CPEB1: variants seen among roughly 807,000 people sequenced by gnomAD.
CPEB1 encodes cytoplasmic polyadenylation element binding protein 1.
CPEB1 carries 7 observed loss-of-function variants against 65.8 expected under a neutral mutation model. The observed-to-expected ratio is 0.11, with a 90% CI of 0.06 to 0.20. The LOEUF (loss-of-function observed/expected upper bound fraction) is 0.20. Among genes scored for constraint, CPEB1 ranks in the 10% least tolerant of loss-of-function variants. CPEB1 has a pLI of 1.00. For synonymous variants in CPEB1, 262 were observed against 260.0 expected (o/e 1.01, Z -0.08); for missense variants, 551 against 712.2 (o/e 0.77, Z 2.58).
In CPEB1 at chr15:82,647,131, A is replaced by G. The variant is rs1029600088; in HGVS notation, c.-98+6T>C. 2.0e-5 allele frequency: 3 copies of G among 152,578 alleles called. No homozygotes were observed. The highest frequency in any genetic ancestry group is 4.8e-5 in the African/African-American group (2 of 41,348). 9.5% of individuals were successfully genotyped at this position (152,578 alleles called of 1,614,324 possible). On this transcript the variant is annotated splice_donor_region_variant and intron_variant, in intron 1 of 12. Transcript: ENST00000684509. ...TAACCCTCTCCCGCCCATGACCAGG[A>G]CCCACCTCAATGCCGCCAGCCCGGC...
intron 3 of CPEB1, among the ~76,000 whole-genome samples, chr15:82,623,638 T>C (rs1666626185): frequency 6.6e-6 from 1 of 152,144 alleles, no homozygotes; most frequent in Non-Finnish European, 1.5e-5. Flanking sequence ...ATCACGCCAC[T>C]GCACTCCAGC....
intron 4 of CPEB1, chr15:82,562,290 G>C (rs1313161996): frequency 1.1e-5 from 5 of 441,088 alleles, no homozygotes; most frequent in African/African-American, 2.1e-5. Flanking sequence ...CCCTGCTTTA[G>C]GACCTAGAGT....
intron 1 of CPEB1, among the ~76,000 whole-genome samples, chr15:82,637,008 T>C (rs1433716200): frequency 6.6e-6 from 1 of 152,216 alleles, no homozygotes; most frequent in Non-Finnish European, 1.5e-5. Context: ...TCCAGAGTTG[T>C]CTCAGAGCTG....
chr15:82,572,445 G>C (rs149395600), intron 3 of CPEB1, among the ~76,000 whole-genome samples: 345 of 152,222 alleles, frequency 2.3e-3, no homozygotes, highest in African/African-American at 8.0e-3. Flanking sequence ...AAAGGACATG[G>C]CCCACAACCC....
intron 3 of CPEB1, among the ~76,000 whole-genome samples, chr15:82,582,843 G>A (rs749836477): frequency 6.9e-6 from 1 of 145,868 alleles, no homozygotes; most frequent in South Asian, 2.2e-4. Flanking sequence ...CCGGGTTCAC[G>A]CCATTCTCCT....
intron 3 of CPEB1, among the ~76,000 whole-genome samples, chr15:82,617,724 GTTTTTTTTTTTTTTT>G (rs35267620): frequency 2.4e-5 from 2 of 83,818 alleles, no homozygotes; most frequent in Non-Finnish European, 4.6e-5. Context: ...TTCTATTAAA[GTTTTTTTTTTTTTTT>G]TTTTTTTTTT....
At chr15:82,581,075 C>T (rs2041238230) in intron 3 of CPEB1, among the ~76,000 whole-genome samples, 1 of 152,142 alleles carries the variant, frequency 6.6e-6, no homozygotes, top group African/African-American at 2.4e-5. Flanking sequence ...CCTCTGGGCT[C>T]AAGTGATCCA....
chr15:82,645,068 AC>A (rs2047391018), intron 1 of CPEB1, among the ~76,000 whole-genome samples: 2 of 152,230 alleles, frequency 1.3e-5, no homozygotes, highest in African/African-American at 4.8e-5. Context: ...GATGTGCTGC[AC>A]AGGCTGGCAC....
intron 9 of CPEB1, among the ~76,000 whole-genome samples, chr15:82,550,118 G>A (rs893359478): frequency 6.6e-6 from 1 of 152,198 alleles, no homozygotes; most frequent in African/African-American, 2.4e-5. Flanking sequence ...ATTTGTATGA[G>A]ATGGTTACTG....
chr15:82,635,289 A>G (rs1329025324), intron 1 of CPEB1, among the ~76,000 whole-genome samples: 1 of 152,256 alleles, frequency 6.6e-6, no homozygotes. Context: ...CATTCAGACC[A>G]CAGATCAGGA....
chr15:82,581,332 A>G (rs886287082), intron 3 of CPEB1, among the ~76,000 whole-genome samples: 1 of 151,934 alleles, frequency 6.6e-6, no homozygotes, highest in Non-Finnish European at 1.5e-5. Flanking sequence ...TCATCCATCC[A>G]ATTCATCCAC....
At chr15:82,608,594 T>C (rs1467387972) in intron 3 of CPEB1, among the ~76,000 whole-genome samples, 1 of 152,188 alleles carries the variant, frequency 6.6e-6, no homozygotes, top group East Asian at 1.9e-4. Flanking sequence ...ATCTTGTTTT[T>C]AGTTTTTAAA....
At chr15:82,577,491 ATAG>A (rs2040792482) in intron 3 of CPEB1, among the ~76,000 whole-genome samples, 1 of 152,204 alleles carries the variant, frequency 6.6e-6, no homozygotes, top group Non-Finnish European at 1.5e-5. Context: ...AAGGACAGAC[ATAG>A]TAGTAATCTC....
chr15:82,614,877 GTGTA>G (rs77090985), intron 3 of CPEB1, among the ~76,000 whole-genome samples: 28,777 of 126,348 alleles, frequency 0.23, 2,780 homozygotes, highest in South Asian at 0.37. Flanking sequence ...GTGTGTGTGT[GTGTA>G]TATATATATA....
intron 3 of CPEB1, among the ~76,000 whole-genome samples, chr15:82,599,779 G>A (rs1323201031): frequency 6.6e-6 from 1 of 152,040 alleles, no homozygotes; most frequent in African/African-American, 2.4e-5. Flanking sequence ...AATAAAACCA[G>A]GGCCCAAAAT....
At chr15:82,639,562 T>G (rs1315532387) in intron 1 of CPEB1, among the ~76,000 whole-genome samples, 1 of 152,104 alleles carries the variant, frequency 6.6e-6, no homozygotes, top group African/African-American at 2.4e-5. Flanking sequence ...TTTTTATCAC[T>G]GTGCTACATA....
chr15:82,584,515 T>C (rs2041592106), intron 3 of CPEB1, among the ~76,000 whole-genome samples: 2 of 150,786 alleles, frequency 1.3e-5, no homozygotes, highest in African/African-American at 4.9e-5. Context: ...CCATCTCTAC[T>C]AAAAATACAA....
At chr15:82,583,842 A>T (rs984114433) in intron 3 of CPEB1, among the ~76,000 whole-genome samples, 64 of 152,230 alleles carry the variant, frequency 4.2e-4, no homozygotes, top group African/African-American at 1.4e-3. Context: ...ATATTGAAAT[A>T]GTAAATAAAT....
Position 82,552,477 on chromosome 15 carries a change from C to T in CPEB1, c.1281+3G>A. The T allele has an allele frequency of 6.4e-7, 1 of 1,563,646 alleles. No individual in the cohort carries two copies. The highest frequency in any genetic ancestry group is 8.6e-7 in the Non-Finnish European group (1 of 1,159,318). On this transcript the variant is annotated splice_donor_region_variant and intron_variant, in intron 9 of 12. Coordinates refer to ENST00000684509, the MANE Select transcript of CPEB1 (RefSeq NM_001365242.1). ...ATCCAGAAAGGACATCACGCTAACTCACCTCCTTGCAGCGCATCCTTCGGC... is the reference window on the plus strand; with the variant it reads ...ATCCAGAAAGGACATCACGCTAACTTACCTCCTTGCAGCGCATCCTTCGGC...
Sources: allele counts gnomAD v4.1 joint callset (sites outside exome capture counted in the v4.1 genomes callset), GRCh38; gene constraint gnomAD v4.1.1; transcripts MANE v1.5; gene names NCBI Gene and HGNC (gene_info 2026-07-23, HGNC 2026-07-21).